The following HUWE1 variants were observed in gnomAD, a reference collection of about 807,000 sequenced individuals.
HUWE1 encodes the protein HECT, UBA and WWE domain containing E3 ubiquitin protein ligase 1, also known as E3 ubiquitin-protein ligase HUWE1.
In HUWE1, 18 loss-of-function variants were observed where a neutral mutation model predicts 299.4. The ratio of observed to expected loss-of-function variants is 0.06; its 90% CI spans 0.04 to 0.09. The LOEUF (loss-of-function observed/expected upper bound fraction) is 0.09, where lower values mean the gene tolerates loss of function less well. HUWE1 is among the 10% of genes least tolerant of loss of function. HUWE1 has a pLI of 1.00. For missense variants in HUWE1, 1,832 were observed against 3,462.3 expected (o/e 0.53, Z 11.82); for synonymous variants, 1,317 against 1,286.1 (o/e 1.02, Z -0.51).
chrX:53,544,771 T>C lies in HUWE1; in HGVS notation c.11049-9A>G. The C allele has an allele frequency of 8.5e-7, 1 of 1,179,811 alleles. No homozygotes were observed. Among genetic ancestry groups the C allele is most frequent in the South Asian group, 1.8e-5 (1 of 56,327 alleles). ...TCTCAGCCATGTCAAACCTGGATAG[T>C]GTAGAGGTGGCTTGCGTATATTGAC... is the stretch of plus-strand genomic sequence containing the variant. On this transcript the variant is annotated splice_polypyrimidine_tract_variant and intron_variant, in intron 71 of 83. Coordinates refer to ENST00000262854, the MANE Select transcript of HUWE1 (RefSeq NM_031407.7).
rs967640952 is a variant in HUWE1, at chrX:53,532,122, T to C, written c.*1187A>G. ...TGGGGTTATTTTTTCTAACTAAATTTTTATTAAATTATTTTTTCTTTGAAG... is the reference window on the plus strand; with the variant it reads ...TGGGGTTATTTTTTCTAACTAAATTCTTATTAAATTATTTTTTCTTTGAAG... On this transcript the variant is annotated 3_prime_UTR_variant, in exon 84 of 84. Transcript: ENST00000262854. 4 of 111,232 alleles carry C rather than the reference T, an allele frequency of 3.6e-5. No individual in the cohort carries two copies. The highest frequency in any genetic ancestry group is 7.5e-5 in the Non-Finnish European group (4 of 53,069). 9.2% of individuals were successfully genotyped at this position (111,232 alleles called of 1,213,427 possible).
intron 61 of HUWE1, 128 bp downstream of exon 61, chrX:53,554,505 A>T: frequency 3.0e-6 from 2 of 670,793 alleles, no homozygotes; most frequent in Non-Finnish European, 4.6e-6. Flanking sequence ...AATGCGCAAG[A>T]CGAGATCTTA....
At chrX:53,634,816 TACTG>T (rs782179911) in intron 7 of HUWE1, among the ~76,000 whole-genome samples, 1 of 112,304 alleles carries the variant, frequency 8.9e-6, no homozygotes, top group Non-Finnish European at 1.9e-5. Flanking sequence ...TATTTATTAC[TACTG>T]TACTTTGCCA....
chrX:53,637,760 G>A (rs2067308046), intron 7 of HUWE1, among the ~76,000 whole-genome samples: 1 of 111,718 alleles, frequency 9.0e-6, no homozygotes, highest in African/African-American at 3.3e-5. Context: ...TTCTTGTGAA[G>A]AAATATTCAT....
chrX:53,572,249 G>A (rs140349980), intron 47 of HUWE1, among the ~76,000 whole-genome samples: 353 of 111,421 alleles, frequency 3.2e-3, no homozygotes, highest in African/African-American at 0.011. Flanking sequence ...ATTACGGCAC[G>A]AGAACTCAAG....
At chrX:53,685,672 G>T in intron 2 of HUWE1, among the ~76,000 whole-genome samples, 1 of 111,890 alleles carries the variant, frequency 8.9e-6, no homozygotes, top group African/African-American at 3.3e-5. Flanking sequence ...GATAATACGT[G>T]TTGGCATAAC....
intron 20 of HUWE1, 40 bp downstream of exon 20, chrX:53,617,300 G>A (rs782535074): frequency 7.9e-5 from 81 of 1,018,871 alleles, no homozygotes; most frequent in East Asian, 3.2e-5. Flanking sequence ...GGATTTTCAC[G>A]CCCTAAGACA....
intron 63 of HUWE1, 99 bp from the exon 64 acceptor site, chrX:53,551,579 C>A: frequency 1.3e-6 from 1 of 755,856 alleles, no homozygotes; most frequent in South Asian, 2.3e-5. Flanking sequence ...TGGTGCAACC[C>A]TTGCCTCACT....
chrX:53,534,399 G>T, intron 82 of HUWE1, 117 bp downstream of exon 82: 1 of 717,083 alleles, frequency 1.4e-6, no homozygotes, highest in Non-Finnish European at 2.1e-6. Flanking sequence ...GATATAGGTA[G>T]ACTGTCTTCT....
At chrX:53,586,676 AG>A in intron 38 of HUWE1, 105 bp from the exon 39 acceptor site, 1 of 1,090,524 alleles carries the variant, frequency 9.2e-7, no homozygotes, top group Non-Finnish European at 1.3e-6. Context: ...TTAAAACTAC[AG>A]AAGTACCACA....
At position 53,589,536 on chromosome X, in the gene HUWE1, T is replaced by C. The variant is rs782280004; in HGVS notation, c.4461+11A>G. On this transcript the variant is annotated intron_variant, in intron 36 of 83. Transcript: ENST00000262854. ...CACATACTCCCCTCTTCTGACCCCT[T>C]GAGAGCTCACCTGATTGACTACTTG... 7.4e-6 allele frequency: 9 copies of C among 1,208,569 alleles called. No individual in the cohort carries two copies. The highest frequency in any genetic ancestry group is 1.0e-5 in the Non-Finnish European group (9 of 892,499).
intron 68 of HUWE1, 130 bp downstream of exon 68, chrX:53,547,543 C>T: frequency 1.0e-6 from 1 of 998,246 alleles, no homozygotes; most frequent in Non-Finnish European, 1.4e-6. Context: ...TGAGAATGAA[C>T]ACATTCTGTT....
intron 49 of HUWE1, 82 bp from the exon 50 acceptor site, chrX:53,565,321 A>G: frequency 1.2e-6 from 1 of 860,291 alleles, no homozygotes; most frequent in East Asian, 3.4e-5. Flanking sequence ...AGCTTCTTAC[A>G]ATGGAATCTA....
At chrX:53,637,460 T>G (rs782620566) in intron 7 of HUWE1, among the ~76,000 whole-genome samples, 6 of 112,651 alleles carry the variant, frequency 5.3e-5, no homozygotes, top group Non-Finnish European at 1.1e-4. Context: ...AAACCAAAAG[T>G]CTGAATCTGC....
intron 19 of HUWE1, among the ~76,000 whole-genome samples, chrX:53,618,914 C>T (rs2065962842): frequency 9.0e-6 from 1 of 110,613 alleles, no homozygotes; most frequent in South Asian, 3.8e-4. Flanking sequence ...TAGAGAGGCA[C>T]CAAGCCAATA....
At chrX:53,633,778 C>T (rs1236405153) in intron 8 of HUWE1, among the ~76,000 whole-genome samples, 1 of 111,747 alleles carries the variant, frequency 8.9e-6, no homozygotes, top group African/African-American at 3.3e-5. Flanking sequence ...GGGTGAAAGG[C>T]AGAGAGATAA....
At position 53,585,293 on chromosome X, in the gene HUWE1, A is replaced by G. The variant is rs1556972304; in HGVS notation, c.4825-105T>C. 3.8e-6 allele frequency: 3 copies of G among 790,874 alleles called. No individual in the cohort carries two copies. The East Asian group carries it at 1.0e-4, about 27-fold the overall frequency. 65.2% of individuals were successfully genotyped at this position (790,874 alleles called of 1,213,427 possible). The stretch of plus-strand genomic sequence containing the variant: ...GCTAAAACTCACCCAGGAAAAAGAA[A>G]TATACTGGACAATAAATTTTAAAAA... On this transcript the variant is annotated intron_variant, in intron 39 of 83. Coordinates refer to ENST00000262854, the MANE Select transcript of HUWE1 (RefSeq NM_031407.7).
intron 81 of HUWE1, 129 bp downstream of exon 81, chrX:53,535,255 G>A: frequency 1.8e-6 from 1 of 543,242 alleles, no homozygotes; most frequent in South Asian, 2.4e-5. Context: ...TTGATCAAGT[G>A]TTTTGTCTTT....
At chrX:53,544,920 A>C (rs1366082966) in intron 71 of HUWE1, 109 bp downstream of exon 71, 1 of 984,701 alleles carries the variant, frequency 1.0e-6, no homozygotes, top group African/African-American at 1.9e-5. Context: ...GTGTATAGGA[A>C]AGATACGAAA....
Sources: gnomAD v4.1 joint callset for allele counts (sites outside exome capture counted in the v4.1 genomes callset) on GRCh38, gnomAD v4.1.1 for gene constraint, MANE v1.5 for transcripts, NCBI Gene and HGNC (gene_info 2026-07-23, HGNC 2026-07-21) for gene names.